IL12RB1: variants seen among roughly 807,000 people sequenced by gnomAD.
IL12RB1 encodes the protein interleukin-12 receptor subunit beta-1.
In IL12RB1, 64 loss-of-function variants were observed where a neutral mutation model predicts 94.4. The ratio of observed to expected loss-of-function variants is 0.68; its 90% confidence interval spans 0.55 to 0.83. The LOEUF (loss-of-function observed/expected upper bound fraction) is 0.83, where lower values mean the gene tolerates loss of function less well. Among genes scored for constraint, IL12RB1 ranks in the 40% least tolerant of loss-of-function variants. The probability of loss-of-function intolerance (pLI) is 0.00; values close to 1 mark genes in which losing one functional copy is unlikely to be tolerated. For missense variants in IL12RB1, 814 were observed against 855.6 expected (o/e 0.95, Z 0.61); for synonymous variants, 362 against 355.5 (o/e 1.02, Z -0.21).
chr19:18,083,205 T>C, intron 2 of IL12RB1: 2 of 629,732 alleles, frequency 3.2e-6, no homozygotes, highest in Middle Eastern at 4.2e-4. Flanking sequence ...ACACCAGCCC[T>C]GAGACCATGC....
intron 2 of IL12RB1, 87 bp downstream of exon 2, chr19:18,083,344 TG>T: frequency 1.6e-6 from 2 of 1,215,738 alleles, no homozygotes; most frequent in Non-Finnish European, 2.4e-6. Flanking sequence ...TTTGGCCTGG[TG>T]GTGGAGGCCA....
Position 18,059,567 on chromosome 19 carries a change from T to G in IL12RB1, c.*41A>C. The G allele has an allele frequency of 1.3e-6, 1 of 779,230 alleles. No homozygotes were observed. The highest frequency in any genetic ancestry group is 2.4e-6 in the Non-Finnish European group (1 of 417,232). The allele number at this position is 779,230 out of a possible 1,614,324, so 48.3% of individuals were successfully genotyped here. ...AAATGTGACTCCTGTGTGTGCTACG[T>G]AGCCTCGGGCGAGTCACTCACCCTC... On this transcript the variant is annotated 3_prime_UTR_variant, in exon 17 of 17. Transcript: ENST00000593993.
At chr19:18,097,843 G>C (rs909109157) in intron 1 of IL12RB1, 2 of 1,228,060 alleles carry the variant, frequency 1.6e-6, no homozygotes, top group Non-Finnish European at 2.0e-6. Context: ...TGAGGCCCCT[G>C]CGCGGGCGGG....
chr19:18,062,638 G>A (rs1232474568), intron 13 of IL12RB1, among the ~76,000 whole-genome samples: 1 of 151,988 alleles, frequency 6.6e-6, no homozygotes, highest in African/African-American at 2.4e-5. Context: ...TGGGCGTGGT[G>A]GTGTGCGCCG....
At chr19:18,083,401 C>A in intron 2 of IL12RB1, 31 bp downstream of exon 2, 1 of 1,607,278 alleles carries the variant, frequency 6.2e-7, no homozygotes, top group South Asian at 1.1e-5. Flanking sequence ...CCTACATAAT[C>A]CTCAGCCAAC....
intron 1 of IL12RB1, among the ~76,000 whole-genome samples, chr19:18,085,137 T>C (rs1014560462): frequency 3.3e-5 from 5 of 152,152 alleles, no homozygotes; most frequent in African/African-American, 9.7e-5. Context: ...GATGCCACCA[T>C]GGATGGGTCA....
chr19:18,059,494 G>C lies in IL12RB1; in HGVS notation c.*114C>G, dbSNP rs2033965363. On this transcript the variant is annotated 3_prime_UTR_variant, in exon 17 of 17. Transcript: ENST00000593993. ...GGTGGCAACAGGCACGGGGCAGAGA[G>C]GAGGCAGGTGCACTGGAGCCTGGAG... 8.2e-6 allele frequency: 6 copies of C among 731,194 alleles called. No homozygotes were observed. In the South Asian group the frequency reaches 8.7e-5, roughly 11 times the overall value. 45.3% of individuals were successfully genotyped at this position (731,194 alleles called of 1,614,324 possible). A position where few individuals can be genotyped will look rare whatever the true frequency, so the allele number is the denominator to read the frequency against.
At chr19:18,075,643 C>T (rs991342506) in intron 7 of IL12RB1, 106 bp downstream of exon 7, 12 of 1,003,932 alleles carry the variant, frequency 1.2e-5, no homozygotes, top group Non-Finnish European at 1.9e-5. Flanking sequence ...GTGATCCTCC[C>T]GCCTCAGCCT....
chr19:18,059,865 T>G, intron 16 of IL12RB1, 29 bp downstream of exon 16: 25 of 1,081,704 alleles, frequency 2.3e-5, no homozygotes, highest in East Asian at 3.3e-5. Flanking sequence ...GTTGCACCCC[T>G]GACCGTCTGG....
chr19:18,094,414 C>T lies in IL12RB1; in HGVS notation c.-229-3645G>A, dbSNP rs1440286836. 2.6e-5 allele frequency among the ~76,000 whole-genome samples: 4 copies of T among 152,304 alleles called. No homozygotes were observed. The East Asian group carries it at 5.8e-4, about 22-fold the overall frequency. On this transcript the variant is annotated intron_variant, in intron 1 of 4. Coordinates refer to the IL12RB1 transcript ENST00000594176. ...AAAGTGCTGGGATTACAGACATGAG[C>T]CAGCACACACGGCCAACACATTGTT...
intron 12 of IL12RB1, among the ~76,000 whole-genome samples, chr19:18,065,838 A>C (rs906717315): frequency 2.0e-5 from 3 of 151,360 alleles, no homozygotes; most frequent in Admixed American, 1.3e-4. Flanking sequence ...AAAAAGAAAA[A>C]ATCCCAGCCT....
At chr19:18,060,348 G>A (rs983037918) in intron 15 of IL12RB1, among the ~76,000 whole-genome samples, 10 of 152,018 alleles carry the variant, frequency 6.6e-5, no homozygotes, top group African/African-American at 2.4e-4. Flanking sequence ...GCTTGGTTGC[G>A]CACGCCTGTA....
intron 2 of IL12RB1, 145 bp from the exon 3 acceptor site, chr19:18,082,409 C>T (rs910845880): frequency 2.9e-6 from 2 of 682,190 alleles, no homozygotes; most frequent in Non-Finnish European, 5.4e-6. Flanking sequence ...CCCCTGCCGT[C>T]TCTCACCTCA....
intron 1 of IL12RB1, chr19:18,097,782 ACTCCCGGG>A: frequency 8.2e-7 from 1 of 1,213,352 alleles, no homozygotes; most frequent in Non-Finnish European, 1.0e-6. Flanking sequence ...GGCGGCGCGG[ACTCCCGGG>A]CCATGGACGA....
intron 1 of IL12RB1, among the ~76,000 whole-genome samples, chr19:18,094,309 A>G (rs899403253): frequency 6.6e-6 from 1 of 152,138 alleles, no homozygotes; most frequent in African/African-American, 2.4e-5. Context: ...TTGTAGTTTT[A>G]GTAGAGACGC....
intron 4 of IL12RB1, 127 bp downstream of exon 4, chr19:18,080,705 C>T (rs976534598): frequency 3.9e-6 from 3 of 768,936 alleles, no homozygotes; most frequent in South Asian, 2.7e-5. Flanking sequence ...CGTGACACTA[C>T]GTGAAGTGAC....
At chr19:18,068,885 AT>A (rs1382828973) in intron 10 of IL12RB1, among the ~76,000 whole-genome samples, 1 of 151,208 alleles carries the variant, frequency 6.6e-6, no homozygotes, top group South Asian at 2.1e-4. Context: ...AGTAGCTGGG[AT>A]TTACAGGTGC....
At chr19:18,080,392 C>T (rs886384794) in intron 4 of IL12RB1, among the ~76,000 whole-genome samples, 2 of 152,216 alleles carry the variant, frequency 1.3e-5, no homozygotes, top group African/African-American at 4.8e-5. Context: ...GCGCGCGTGG[C>T]CACTCCTGGC....
chr19:18,069,635 T>C lies in IL12RB1; in HGVS notation c.1100A>G (p.Tyr367Cys), dbSNP rs1408160083. ...YWPARAQSMT[Y>C]CIEWQPVGQD... ...GCCCACAGGCTGCCATTCAATGCAA[T>C]ACGTCATGCTCTGAGCCCGGGCTGG... Residue 367 changes from tyrosine to cysteine, a missense_variant, in exon 10 of 17, where the codon TAT (tyrosine) becomes TGT (cysteine). Tyr to Cys is a radical substitution (Grantham distance 194). Transcript: ENST00000593993. The C allele has an allele frequency of 9.3e-6, 15 of 1,613,364 alleles. No individual in the cohort carries two copies. Among genetic ancestry groups the C allele is most frequent in the Non-Finnish European group, 1.3e-5 (15 of 1,179,738 alleles).
Sources: allele counts gnomAD v4.1 joint callset (sites outside exome capture counted in the v4.1 genomes callset), GRCh38; gene constraint gnomAD v4.1.1; transcripts MANE v1.5; gene names NCBI Gene and HGNC (gene_info 2026-07-23, HGNC 2026-07-21).